The following ZBTB38 variants were observed in gnomAD, a reference collection of about 807,000 sequenced individuals.
ZBTB38 encodes zinc finger and BTB domain-containing protein 38.
In ZBTB38, 20 loss-of-function variants were observed where a neutral mutation model predicts 76.8. The observed-to-expected ratio is 0.26, with a 90% CI of 0.18 to 0.38. The LOEUF is 0.38. ZBTB38 is among the 10% of genes least tolerant of loss of function. The pLI is 1.00. For synonymous variants in ZBTB38, 504 were observed against 544.2 expected (o/e 0.93, Z 1.03); for missense variants, 1,082 against 1,482.3 (o/e 0.73, Z 4.43).
chr3:141,440,999 A>G (rs1352468530), intron 5 of ZBTB38, among the ~76,000 whole-genome samples: 1 of 147,698 alleles, frequency 6.8e-6, no homozygotes, highest in Admixed American at 7.0e-5. Context: ...ATGCCATTGC[A>G]CTCCAGCCTG....
At chr3:141,343,408 G>T (rs1943254351) in intron 1 of ZBTB38, among the ~76,000 whole-genome samples, 1 of 152,144 alleles carries the variant, frequency 6.6e-6, no homozygotes, top group Non-Finnish European at 1.5e-5. Context: ...ATGAGAGCCA[G>T]GGAGGTGGGG....
chr3:141,396,475 G>T, intron 4 of ZBTB38: 1 of 169,166 alleles, frequency 5.9e-6, no homozygotes, highest in Non-Finnish European at 1.3e-5. Context: ...CATCCATGAG[G>T]GTTGGAACCA....
Position 141,443,368 on chromosome 3 carries a change from C to G in ZBTB38, c.980C>G (p.Ser327Cys). The stretch of plus-strand genomic sequence containing the variant: ...TCCAGGGAAGATGAAAATCAATCTT[C>G]TGATGTTCCCGGGCCGCCAGCCGCA... ...HFSREDENQS[S>C]DVPGPPAAEV... The change falls in exon 6 of 6, where the codon TCT (serine) becomes TGT (cysteine). Residue 327 changes from serine (S) to cysteine (C), a missense_variant. Physicochemically the swap from Ser to Cys is moderately radical, Grantham distance 112. Around this residue, in one of 8 missense-constraint regions of ZBTB38, gnomAD observed 324 missense variants for 359.1 expected, o/e 0.90. Coordinates refer to ENST00000321464, the MANE Select transcript of ZBTB38 (RefSeq NM_001376113.1). The surrounding 1 kb of genome is among the most constrained non-coding windows in gnomAD (Gnocchi z 5.6). 6.2e-7 allele frequency: 1 copy of G among 1,614,210 alleles called. No homozygotes were observed. The highest frequency in any genetic ancestry group is 1.1e-5 in the South Asian group (1 of 91,084).
intron 1 of ZBTB38, among the ~76,000 whole-genome samples, chr3:141,333,176 T>C (rs1179824193): frequency 6.6e-6 from 1 of 152,132 alleles, no homozygotes; most frequent in Non-Finnish European, 1.5e-5. Flanking sequence ...CCAGACTCAT[T>C]GTTTGCTCCG....
intron 4 of ZBTB38, among the ~76,000 whole-genome samples, chr3:141,392,279 C>T (rs575215830): frequency 5.3e-4 from 81 of 152,122 alleles, no homozygotes; most frequent in Admixed American, 1.2e-3. Flanking sequence ...GGGCTCTCTG[C>T]CCATTAGTGG....
intron 1 of ZBTB38, among the ~76,000 whole-genome samples, chr3:141,353,877 C>T (rs1047632935): frequency 1.3e-5 from 2 of 152,142 alleles, no homozygotes; most frequent in African/African-American, 4.8e-5. Flanking sequence ...TCTCCAGGAA[C>T]ACTCTAGTTG....
chr3:141,372,547 G>C (rs1456828885), intron 2 of ZBTB38, among the ~76,000 whole-genome samples: 2 of 151,944 alleles, frequency 1.3e-5, no homozygotes, highest in Non-Finnish European at 2.9e-5. Flanking sequence ...AGCTACTTGG[G>C]AGGCTGAGGC....
At chr3:141,423,620 A>T (rs912777405) in intron 5 of ZBTB38, among the ~76,000 whole-genome samples, 1 of 152,232 alleles carries the variant, frequency 6.6e-6, no homozygotes, top group Non-Finnish European at 1.5e-5. Flanking sequence ...CAGAAGAGGA[A>T]AGGAAAGCTT....
intron 5 of ZBTB38, among the ~76,000 whole-genome samples, chr3:141,440,061 A>G (rs939831253): frequency 2.0e-5 from 3 of 152,214 alleles, no homozygotes; most frequent in African/African-American, 4.8e-5. Flanking sequence ...TTCTAGTTTT[A>G]TTTGTAGAAA....
intron 5 of ZBTB38, among the ~76,000 whole-genome samples, chr3:141,430,104 C>T (rs566861460): frequency 6.6e-6 from 1 of 152,238 alleles, no homozygotes; most frequent in Non-Finnish European, 1.5e-5. Flanking sequence ...TCGCTCTTGT[C>T]ACCCAGGCTG....
chr3:141,410,664 G>A (rs1276992830), intron 5 of ZBTB38, among the ~76,000 whole-genome samples: 1 of 152,220 alleles, frequency 6.6e-6, no homozygotes, highest in Non-Finnish European at 1.5e-5. Flanking sequence ...CGGTCCAGTT[G>A]GAGCCCTTGG....
At chr3:141,426,666 T>C (rs2076458648) in intron 5 of ZBTB38, among the ~76,000 whole-genome samples, 1 of 152,202 alleles carries the variant, frequency 6.6e-6, no homozygotes, top group South Asian at 2.1e-4. Context: ...CACACGACAC[T>C]GCCATGTCGC....
chr3:141,355,650 G>A (rs965329687), intron 1 of ZBTB38, among the ~76,000 whole-genome samples: 4 of 152,066 alleles, frequency 2.6e-5, no homozygotes, highest in African/African-American at 9.7e-5. Context: ...CAGCAGGGGT[G>A]GGATGTAGAT....
At chr3:141,342,206 T>C (rs896477529) in intron 1 of ZBTB38, among the ~76,000 whole-genome samples, 3 of 151,852 alleles carry the variant, frequency 2.0e-5, no homozygotes, top group Admixed American at 6.6e-5. Flanking sequence ...GTGCCTATAG[T>C]CCCGGCTACT....
chr3:141,331,210 A>C (rs1174323002), intron 1 of ZBTB38, among the ~76,000 whole-genome samples: 1 of 152,222 alleles, frequency 6.6e-6, no homozygotes, highest in East Asian at 1.9e-4. Flanking sequence ...AGCATGCACT[A>C]TGCAATGTGT....
rs201720709 is a variant in ZBTB38 at position 141,443,100 on chromosome 3, C to T, written c.712C>T (p.Arg238Cys). The change falls in exon 6 of 6, where the codon CGT (arginine) becomes TGT (cysteine). Residue 238 changes from arginine to cysteine, a missense_variant. Physicochemically the swap from Arg to Cys is radical, Grantham distance 180 (BLOSUM62 -3). Around this residue, in one of 8 missense-constraint regions of ZBTB38, gnomAD observed 324 missense variants for 359.1 expected, o/e 0.90. Transcript: ENST00000321464. The surrounding 1 kb of genome is among the most constrained non-coding windows in gnomAD (Gnocchi z 5.6). ...TGAAGCTTACAGAAGTCAGCCTGTA[C>T]GTGAACATGATGGCAGTTCACCTGG... The part of the protein sequence containing the change: ...VAEAYRSQPV[R>C]EHDGSSPGNT... 4.6e-5 allele frequency: 75 copies of T among 1,614,050 alleles called. No individual in the cohort carries two copies. In the Admixed American group the frequency reaches 7.0e-4, roughly 15 times the overall value.
intron 5 of ZBTB38, among the ~76,000 whole-genome samples, chr3:141,421,219 G>A (rs1196698464): frequency 6.6e-6 from 1 of 151,480 alleles, no homozygotes; most frequent in Non-Finnish European, 1.5e-5. Flanking sequence ...CCTAGCATCT[G>A]CCATTTGAGG....
At chr3:141,409,319 T>G (rs1955819809) in intron 5 of ZBTB38, among the ~76,000 whole-genome samples, 1 of 152,160 alleles carries the variant, frequency 6.6e-6, no homozygotes, top group African/African-American at 2.4e-5. Context: ...GTGCTGAGAT[T>G]ACAGACGTGA....
chr3:141,433,336 GT>G (rs1046256342), intron 5 of ZBTB38, among the ~76,000 whole-genome samples: 3 of 140,938 alleles, frequency 2.1e-5, no homozygotes, highest in Admixed American at 7.0e-5. Context: ...GTTTTTTTTT[GT>G]TTTTTTTGGT....
Sources: gnomAD v4.1 joint callset for allele counts (sites outside exome capture counted in the v4.1 genomes callset) on GRCh38, gnomAD v4.1.1 for gene constraint, gnomAD v4.1.1 regional missense constraint, Gnocchi (gnomAD v3.1) non-coding constraint, MANE v1.5 for transcripts, NCBI Gene and HGNC (gene_info 2026-07-23, HGNC 2026-07-21) for gene names.